SLC24A2: variants seen among roughly 807,000 people sequenced by gnomAD.
SLC24A2 encodes the protein solute carrier family 24 member 2.
In SLC24A2, 36 loss-of-function variants were observed where a neutral mutation model predicts 62.0. The ratio of observed to expected loss-of-function variants is 0.58; its 90% CI spans 0.44 to 0.77. The LOEUF (loss-of-function observed/expected upper bound fraction) is 0.77. SLC24A2 is among the 30% of genes least tolerant of loss of function. The probability of loss-of-function intolerance (pLI) is 0.00; values close to 1 mark genes in which losing one functional copy is unlikely to be tolerated. For missense variants in SLC24A2, 846 were observed against 817.9 expected (o/e 1.03, Z -0.42); for synonymous variants, 358 against 294.0 (o/e 1.22, Z -2.23).
the SLC24A2 span, among the ~76,000 whole-genome samples, chr9:20,101,388 G>A: frequency 1.3e-5 from 2 of 152,222 alleles, no homozygotes; most frequent in Admixed American, 1.3e-4. Context: ...CCATGAAAAA[G>A]TGCTGGTACT....
At chr9:19,815,031 G>A in the SLC24A2 span, among the ~76,000 whole-genome samples, 1 of 152,076 alleles carries the variant, frequency 6.6e-6, no homozygotes, top group African/African-American at 2.4e-5. Flanking sequence ...CTGCAATTTG[G>A]GATTTATGAA....
chr9:19,554,343 T>C (rs932069306), intron 7 of SLC24A2, among the ~76,000 whole-genome samples: 4 of 152,216 alleles, frequency 2.6e-5, no homozygotes, highest in Admixed American at 6.5e-5. Flanking sequence ...ACTATTTACA[T>C]AGCATTTACA....
chr9:19,768,041 T>C (rs1250016152), intron 2 of SLC24A2, among the ~76,000 whole-genome samples: 1 of 152,068 alleles, frequency 6.6e-6, no homozygotes, highest in Non-Finnish European at 1.5e-5. Context: ...AGCCATCAGT[T>C]CCATTCCCAC....
the SLC24A2 span, among the ~76,000 whole-genome samples, chr9:20,028,276 G>A: frequency 1.3e-5 from 2 of 152,124 alleles, no homozygotes; most frequent in African/African-American, 2.4e-5. Flanking sequence ...GATTTTACCA[G>A]CCTAAGCTTT....
intron 10 of SLC24A2, among the ~76,000 whole-genome samples, chr9:19,520,496 T>A (rs991919614): frequency 2.6e-5 from 4 of 152,200 alleles, no homozygotes; most frequent in Non-Finnish European, 4.4e-5. Flanking sequence ...GCCTATGTTT[T>A]CCCCAATCTG....
At chr9:20,079,291 T>C in the SLC24A2 span, among the ~76,000 whole-genome samples, 1 of 152,182 alleles carries the variant, frequency 6.6e-6, no homozygotes, top group Admixed American at 6.5e-5. Flanking sequence ...ACAAAATTTA[T>C]GGTAATTTGT....
chr9:19,562,132 CATATTGCTGTAGTA>C (rs1835434655), intron 7 of SLC24A2, among the ~76,000 whole-genome samples: 1 of 152,016 alleles, frequency 6.6e-6, no homozygotes, highest in Non-Finnish European at 1.5e-5. Flanking sequence ...GATTTCTTTC[CATATTGCTGTAGTA>C]AATTGGTTTT....
chr9:19,873,636 A>T, the SLC24A2 span, among the ~76,000 whole-genome samples: 2 of 147,500 alleles, frequency 1.4e-5, no homozygotes, highest in African/African-American at 2.5e-5. Context: ...TTCTCTAGAG[A>T]CAGGGTCTCA....
the SLC24A2 span, among the ~76,000 whole-genome samples, chr9:20,296,106 A>G: frequency 6.6e-6 from 1 of 152,228 alleles, no homozygotes; most frequent in Admixed American, 6.5e-5. Flanking sequence ...ACTAATTATT[A>G]CTGGTGCTGC....
chr9:20,239,410 T>C, the SLC24A2 span, among the ~76,000 whole-genome samples: 21 of 152,230 alleles, frequency 1.4e-4, no homozygotes, highest in African/African-American at 5.1e-4. Context: ...ACTGAGGCTC[T>C]GGTCAGGGAG....
At chr9:20,073,891 C>CATAT in the SLC24A2 span, among the ~76,000 whole-genome samples, 2 of 87,100 alleles carry the variant, frequency 2.3e-5, no homozygotes, top group Admixed American at 1.9e-4. Context: ...TATATATATA[C>CATAT]ACACATATAT....
chr9:19,792,536 C>CAAAAA (rs1165695410), upstream of SLC24A2, among the ~76,000 whole-genome samples: 7 of 74,612 alleles, frequency 9.4e-5, no homozygotes, highest in East Asian at 8.7e-4. Flanking sequence ...ACTAAAAATA[C>CAAAAA]AAAAAAAAAA....
At chr9:19,892,706 T>TC in the SLC24A2 span, among the ~76,000 whole-genome samples, 1 of 152,206 alleles carries the variant, frequency 6.6e-6, no homozygotes, top group Non-Finnish European at 1.5e-5. Context: ...GTTGTTTTTT[T>TC]TTTCATGCCT....
At position 19,786,813 on chromosome 9, in the gene SLC24A2, A is replaced by T. The variant is rs763667183; in HGVS notation, c.54T>A (p.Asp18Glu). 6.2e-7 allele frequency: 1 copy of T among 1,611,986 alleles called. No homozygotes were observed. The highest frequency in any genetic ancestry group is 8.5e-7 in the Non-Finnish European group (1 of 1,179,382). The change falls in exon 2 of 11, where the codon GAT becomes GAA. Residue 18 changes from aspartate to glutamate, a missense_variant. Transcript: ENST00000341998. The surrounding 1 kb of genome is among the most constrained non-coding windows in gnomAD (Gnocchi z 5.0). Reference protein sequence around the residue: ...TITSLEKWCLDESLSGCRRHY... With the variant: ...TITSLEKWCLEESLSGCRRHY... The stretch of plus-strand genomic sequence containing the variant: ...GTCTTCTGCAGCCAGACAGTGACTC[A>T]TCCAAACACCATTTCTCTAGGGAAG...
intron 5 of SLC24A2, among the ~76,000 whole-genome samples, chr9:19,589,253 C>T (rs1458230021): frequency 6.6e-6 from 1 of 152,066 alleles, no homozygotes; most frequent in Non-Finnish European, 1.5e-5. Context: ...ATTGAACCAA[C>T]CATGGAACAG....
rs941135065 is a variant in SLC24A2, at chr9:19,508,897, A to C, written c.*7256T>G. 2.6e-5 allele frequency: 4 copies of C among 152,204 alleles called. No homozygotes were observed. Among genetic ancestry groups the C allele is most frequent in the Non-Finnish European group, 5.9e-5 (4 of 68,030 alleles). The allele number at this position is 152,204 out of a possible 1,614,324, so 9.4% of individuals were successfully genotyped here. ...GTGTGTGTAAACAGTGTACCATACT[A>C]GGTTAGAAATTGTGTATTTTAGCGG... On this transcript the variant is annotated 3_prime_UTR_variant, in exon 11 of 11. Transcript: ENST00000341998.
At chr9:19,954,393 A>C in the SLC24A2 span, among the ~76,000 whole-genome samples, 1 of 152,074 alleles carries the variant, frequency 6.6e-6, no homozygotes, top group South Asian at 2.1e-4. Flanking sequence ...GTAACCAAGT[A>C]ATTTACAGTC....
intron 5 of SLC24A2, among the ~76,000 whole-genome samples, chr9:19,583,185 A>G (rs983154899): frequency 1.3e-5 from 2 of 152,168 alleles, no homozygotes; most frequent in Non-Finnish European, 2.9e-5. Context: ...TCACTGCTCC[A>G]GCCACGCTGG....
intron 2 of SLC24A2, among the ~76,000 whole-genome samples, chr9:19,636,315 T>TTTCCTTTCCTTTTC (rs1554690361): frequency 7.4e-5 from 3 of 40,328 alleles, no homozygotes; most frequent in Admixed American, 2.7e-4. Context: ...TTTTCTTTTC[T>TTTCCTTTCCTTTTC]TTTCTTTCTT....
Sources: allele counts gnomAD v4.1 joint callset (sites outside exome capture counted in the v4.1 genomes callset), GRCh38; gene constraint gnomAD v4.1.1; non-coding constraint Gnocchi (gnomAD v3.1); transcripts MANE v1.5; gene names NCBI Gene and HGNC (gene_info 2026-07-23, HGNC 2026-07-21).